Variants in MACROD1 observed in about 807,000 individuals in gnomAD.
The protein encoded by MACROD1 is ADP-ribose glycohydrolase MACROD1.
A neutral mutation model predicts 41.4 loss-of-function variants in MACROD1; 31 were observed. The ratio of observed to expected loss-of-function variants is 0.75; its 90% CI spans 0.56 to 1.01. MACROD1 has a LOEUF of 1.01. Ranked by LOEUF, MACROD1 falls within the 50% of genes least tolerant of loss-of-function variation. The probability of loss-of-function intolerance (pLI) is 0.00; values close to 1 mark genes in which losing one functional copy is unlikely to be tolerated. For synonymous variants in MACROD1, 252 were observed against 203.4 expected (o/e 1.24, Z -2.03); for missense variants, 473 against 460.0 (o/e 1.03, Z -0.26).
chr11:64,048,300 G>A (rs972594922), intron 3 of MACROD1, among the ~76,000 whole-genome samples: 1 of 152,244 alleles, frequency 6.6e-6, no homozygotes, highest in African/African-American at 2.4e-5. Context: ...CCCATGGGAG[G>A]TGCAGACAGA....
intron 4 of MACROD1, among the ~76,000 whole-genome samples, chr11:64,011,765 G>A (rs1301804019): frequency 6.6e-6 from 1 of 151,740 alleles, no homozygotes; most frequent in Non-Finnish European, 1.5e-5. Flanking sequence ...GTCATGGGAG[G>A]GGCGCGGGTA....
intron 3 of MACROD1, among the ~76,000 whole-genome samples, chr11:64,074,374 G>A (rs1193010250): frequency 6.6e-6 from 1 of 152,178 alleles, no homozygotes; most frequent in African/African-American, 2.4e-5. Context: ...TCTCACCTCT[G>A]CAGTTTCTAA....
At chr11:64,091,167 G>A (rs2134523129) in intron 3 of MACROD1, among the ~76,000 whole-genome samples, 1 of 149,524 alleles carries the variant, frequency 6.7e-6, no homozygotes, top group African/African-American at 2.5e-5. Flanking sequence ...GGGATGGGGA[G>A]GGGGCCTAAG....
In MACROD1 at chr11:64,165,818, C is replaced by T. The variant is rs1367113048; in HGVS notation, c.177G>A (p.Ala59=). The T allele has an allele frequency of 6.7e-7, 1 of 1,482,672 alleles. No homozygotes were observed. 91.8% of individuals were successfully genotyped at this position (1,482,672 alleles called of 1,614,324 possible). ...CCGCCGCCCCCCACGCCCCAACTCC[C>T]GCCGAGGTCCGCGCACGGCGGCCGA... ...GVFGRRARTS[A]GVGAWGAAAV... Residue 59 remains alanine, a synonymous_variant, in exon 1 of 11, where the codon GCG becomes GCA. Coordinates refer to ENST00000255681, the MANE Select transcript of MACROD1 (RefSeq NM_014067.4).
intron 3 of MACROD1, chr11:64,138,451 G>A: frequency 1.1e-6 from 1 of 937,144 alleles, no homozygotes; most frequent in Non-Finnish European, 1.3e-6. Flanking sequence ...TTGCTTCGTA[G>A]ATTTTAATGT....
At chr11:64,128,616 A>T (rs1019567739) in intron 3 of MACROD1, among the ~76,000 whole-genome samples, 24 of 120,336 alleles carry the variant, frequency 2.0e-4, no homozygotes, top group African/African-American at 6.9e-4. Context: ...GTGTCCCCCC[A>T]TCTCCCCGTT....
At chr11:64,068,913 C>T (rs763178960) in intron 3 of MACROD1, among the ~76,000 whole-genome samples, 13 of 152,220 alleles carry the variant, frequency 8.5e-5, no homozygotes, top group East Asian at 1.9e-4. Flanking sequence ...AATGGGCATC[C>T]GTGTGAACCC....
intron 1 of MACROD1, among the ~76,000 whole-genome samples, chr11:64,153,241 TC>T (rs1402803170): frequency 6.6e-6 from 1 of 151,914 alleles, no homozygotes; most frequent in Non-Finnish European, 1.5e-5. Flanking sequence ...GCTCACGGGC[TC>T]CCCCTGCTGG....
rs367903119 is a variant in MACROD1 at position 64,027,107 on chromosome 11, C to G, written c.518-11826G>C. Among the ~76,000 whole-genome samples the G allele has an allele frequency of 2.6e-5, 4 of 152,348 alleles. No homozygotes were observed. The East Asian group carries it at 5.8e-4, about 22-fold the overall frequency. On this transcript the variant is annotated intron_variant, in intron 3 of 10. Coordinates refer to ENST00000255681, the MANE Select transcript of MACROD1 (RefSeq NM_014067.4). Reference sequence around the variant, plus strand: ...TGGCACCTAAGAGCTCCTCTTATGACTACTCATTCATTCAACAGACATTGA... The same window carrying G: ...TGGCACCTAAGAGCTCCTCTTATGAGTACTCATTCATTCAACAGACATTGA...
intron 4 of MACROD1, among the ~76,000 whole-genome samples, chr11:64,006,309 G>T (rs1225716500): frequency 6.6e-6 from 1 of 152,160 alleles, no homozygotes; most frequent in Admixed American, 6.5e-5. Context: ...CTTTGCTTCT[G>T]CTCACACCCT....
intron 1 of MACROD1, among the ~76,000 whole-genome samples, chr11:64,153,070 C>T (rs1191858744): frequency 6.6e-6 from 1 of 151,170 alleles, no homozygotes; most frequent in South Asian, 2.1e-4. Context: ...AGGAGCCAGG[C>T]ACCCCCCACC....
rs760688346 is a variant in MACROD1, at chr11:64,151,325, T to C, written c.431A>G (p.Tyr144Cys). Residue 144 changes from tyrosine (Y) to cysteine (C), a missense_variant, in exon 3 of 11, where the codon TAT (tyrosine) becomes TGT (cysteine). Physicochemically the swap from Tyr to Cys is radical, Grantham distance 194. Transcript: ENST00000255681. ...CTCATTGAGCTGCTTGTCCTTTTTA[T>C]ACCTGGGCTCCTCCACCTTCACAGC... is the stretch of plus-strand genomic sequence containing the variant. ...GVAVKVEEPR[Y>C]KKDKQLNEKI... The C allele has an allele frequency of 2.7e-5, 43 of 1,613,744 alleles. No individual in the cohort carries two copies. The highest frequency in any genetic ancestry group is 3.6e-5 in the Non-Finnish European group (42 of 1,180,000).
intron 3 of MACROD1, among the ~76,000 whole-genome samples, chr11:64,130,000 GCACT>G (rs1945242086): frequency 6.6e-6 from 1 of 152,114 alleles, no homozygotes; most frequent in African/African-American, 2.4e-5. Flanking sequence ...TGCCTCAAAG[GCACT>G]GCAGGGGACC....
chr11:64,109,414 C>T lies in MACROD1; in HGVS notation c.517+41825G>A, dbSNP rs183556356. On this transcript the variant is annotated intron_variant, in intron 3 of 10. Coordinates refer to ENST00000255681, the MANE Select transcript of MACROD1 (RefSeq NM_014067.4). ...AGACCTGGGAAACCCGGGAGGCTGC[C>T]GGCCTCTCCCCACTCGTGACACTGG... is the stretch of plus-strand genomic sequence containing the variant. 3.4e-3 allele frequency among the ~76,000 whole-genome samples: 524 copies of T among 152,206 alleles called. 2 individuals are homozygous for T. The highest frequency in any genetic ancestry group is 0.012 in the African/African-American group (506 of 41,518).
At chr11:64,149,013 G>C in intron 3 of MACROD1, 3 of 985,322 alleles carry the variant, frequency 3.0e-6, no homozygotes, top group Non-Finnish European at 3.6e-6. Flanking sequence ...GGCGGGTACC[G>C]GGTCCTCCTG....
At chr11:64,045,596 C>T (rs747307374) in intron 3 of MACROD1, among the ~76,000 whole-genome samples, 32 of 152,222 alleles carry the variant, frequency 2.1e-4, no homozygotes, top group Admixed American at 3.3e-4. Flanking sequence ...GGAGCAGCGG[C>T]GTTCAGCTGG....
chr11:64,164,335 GT>G (rs1363468014), intron 1 of MACROD1, among the ~76,000 whole-genome samples: 3 of 152,268 alleles, frequency 2.0e-5, no homozygotes, highest in African/African-American at 4.8e-5. Context: ...GCACCAAGGA[GT>G]GGGGCTGTGG....
At chr11:64,152,259 T>C (rs1421599002) in intron 2 of MACROD1, 33 bp downstream of exon 2, 2 of 1,597,110 alleles carry the variant, frequency 1.3e-6, no homozygotes, top group Non-Finnish European at 1.7e-6. Context: ...GTCTGGAGCC[T>C]GCCCACCAGG....
chr11:64,062,356 C>G (rs1224280244), intron 3 of MACROD1, among the ~76,000 whole-genome samples: 1 of 152,180 alleles, frequency 6.6e-6, no homozygotes, highest in African/African-American at 2.4e-5. Context: ...GTGGCTGGCT[C>G]AGACATATGC....
Sources: gnomAD v4.1 joint callset for allele counts (sites outside exome capture counted in the v4.1 genomes callset) on GRCh38, gnomAD v4.1.1 for gene constraint, MANE v1.5 for transcripts, NCBI Gene and HGNC (gene_info 2026-07-23, HGNC 2026-07-21) for gene names.